C2orf78: variants seen among roughly 807,000 people sequenced by gnomAD.
The protein encoded by C2orf78 is uncharacterized protein C2orf78.
A neutral mutation model predicts 21.4 loss-of-function variants in C2orf78; 12 were observed. The observed-to-expected ratio is 0.56, with a 90% CI of 0.36 to 0.91. C2orf78 has a LOEUF of 0.91. Among genes scored for constraint, C2orf78 ranks in the 40% least tolerant of loss-of-function variants. The pLI is 0.01. For missense variants in C2orf78, 1,042 were observed against 1,092.4 expected (o/e 0.95, Z 0.65); for synonymous variants, 396 against 413.9 (o/e 0.96, Z 0.52).
intron 1 of C2orf78, among the ~76,000 whole-genome samples, chr2:73,786,132 C>G (rs779133178): frequency 1.3e-5 from 2 of 152,020 alleles, no homozygotes; most frequent in Non-Finnish European, 2.9e-5. Flanking sequence ...GTAATCACAG[C>G]ACTTTGCAAG....
chr2:73,809,877 A>C (rs1673040439), intron 1 of C2orf78, among the ~76,000 whole-genome samples: 1 of 152,230 alleles, frequency 6.6e-6, no homozygotes, highest in Admixed American at 6.5e-5. Context: ...ACTGGGTTAT[A>C]AGGAGGCAGG....
At chr2:73,809,624 A>G (rs908557549) in intron 1 of C2orf78, among the ~76,000 whole-genome samples, 37 of 152,056 alleles carry the variant, frequency 2.4e-4, no homozygotes, top group Non-Finnish European at 4.0e-4. Flanking sequence ...CATCTCTACA[A>G]AAACTTTTTA....
chr2:73,815,974 C>G (rs768178969), exon 3 of C2orf78: 4 of 1,613,890 alleles, frequency 2.5e-6, no homozygotes, highest in Middle Eastern at 1.6e-4. Flanking sequence ...TCCAAGAAAT[C>G]TGAAGAGAGT....
At chr2:73,814,350 T>C in intron 2 of C2orf78, 124 bp downstream of exon 2, 3 of 1,091,780 alleles carry the variant, frequency 2.7e-6, no homozygotes, top group Non-Finnish European at 3.9e-6. Flanking sequence ...ACCACTATTC[T>C]TTGGCAGTGC....
At position 73,814,239 on chromosome 2, in the gene C2orf78, A is replaced by T. The variant is rs1337789619; in HGVS notation, c.847+13A>T. 2 of 1,545,626 alleles carry T rather than the reference A, an allele frequency of 1.3e-6. No homozygotes were observed. Among genetic ancestry groups the T allele is most frequent in the Non-Finnish European group, 1.7e-6 (2 of 1,144,504 alleles). ...ACCAGTGTTCAAGGTGAGTACAAAC[A>T]TCAAGAAAGGAGAGGAATAATGTCA... On this transcript the variant is annotated intron_variant, in intron 2 of 2. Transcript: ENST00000409561.
At chr2:73,815,383 T>C (rs139822699) in exon 3 of C2orf78, 2 of 1,613,964 alleles carry the variant, frequency 1.2e-6, no homozygotes, top group Non-Finnish European at 1.7e-6. Flanking sequence ...GATCCTCCAC[T>C]ACTTCCTGTA....
intron 1 of C2orf78, among the ~76,000 whole-genome samples, chr2:73,809,795 T>G (rs1334829425): frequency 2.6e-5 from 4 of 151,968 alleles, no homozygotes; most frequent in Admixed American, 6.6e-5. Flanking sequence ...AAGAAACAAA[T>G]AAACAAACAA....
intron 1 of C2orf78, among the ~76,000 whole-genome samples, chr2:73,807,917 C>G (rs1672988322): frequency 1.3e-5 from 2 of 150,784 alleles, no homozygotes; most frequent in East Asian, 1.9e-4. Context: ...CTTTGCTGTT[C>G]AAGTTACAAA....
chr2:73,811,869 A>C (rs1673097030), intron 1 of C2orf78, among the ~76,000 whole-genome samples: 1 of 152,198 alleles, frequency 6.6e-6, no homozygotes. Flanking sequence ...CACTAGGATT[A>C]ATACCTGTCA....
chr2:73,813,717 A>G (rs1010339490), exon 2 of C2orf78: 10 of 1,614,076 alleles, frequency 6.2e-6, no homozygotes, highest in Non-Finnish European at 8.5e-6. Context: ...GTTACTGGCC[A>G]GAGCCATATC....
chr2:73,813,333 A>C, intron 1 of C2orf78, 144 bp from the exon 2 acceptor site: 1 of 817,922 alleles, frequency 1.2e-6, no homozygotes, highest in Non-Finnish European at 1.9e-6. Flanking sequence ...AGGCCATCAT[A>C]AACTGTTTGG....
chr2:73,815,410 A>G, exon 3 of C2orf78: 1 of 1,613,912 alleles, frequency 6.2e-7, no homozygotes, highest in Non-Finnish European at 8.5e-7. Flanking sequence ...CCCGATATTC[A>G]CCCGCTTCTG....
exon 3 of C2orf78, chr2:73,817,117 G>T: frequency 2.6e-6 from 3 of 1,145,366 alleles, no homozygotes; most frequent in East Asian, 3.0e-5. Context: ...TTGATTAATA[G>T]ATAAGTAATA....
intron 1 of C2orf78, among the ~76,000 whole-genome samples, chr2:73,807,638 T>C (rs1302605081): frequency 2.9e-5 from 2 of 70,082 alleles, no homozygotes; most frequent in African/African-American, 6.4e-5. Context: ...TTGCTTCTCA[T>C]GAGCAGAGTC....
At chr2:73,812,760 G>A (rs1355310360) in intron 1 of C2orf78, among the ~76,000 whole-genome samples, 1 of 152,128 alleles carries the variant, frequency 6.6e-6, no homozygotes, top group African/African-American at 2.4e-5. Flanking sequence ...TTTCTATCAG[G>A]TAGTTATTTT....
chr2:73,786,137 T>C (rs986775989), intron 1 of C2orf78, among the ~76,000 whole-genome samples: 1 of 151,988 alleles, frequency 6.6e-6, no homozygotes, highest in Non-Finnish European at 1.5e-5. Context: ...CACAGCACTT[T>C]GCAAGGCTGA....
chr2:73,813,823 T>A, exon 2 of C2orf78: 1 of 1,614,036 alleles, frequency 6.2e-7, no homozygotes, highest in African/African-American at 1.3e-5. Context: ...TCACTGTGAC[T>A]GTCATTGATC....
At chr2:73,814,974 C>G (rs1673162375) in intron 2 of C2orf78, 97 bp from the exon 3 acceptor site, 2 of 1,210,790 alleles carry the variant, frequency 1.7e-6, no homozygotes, top group South Asian at 3.0e-5. Context: ...AGTAGAAATG[C>G]CTTGCCCATG....
chr2:73,808,705 G>T (rs1573197202), intron 1 of C2orf78: 1 of 1,511,950 alleles, frequency 6.6e-7, no homozygotes, highest in East Asian at 2.5e-5. Context: ...ACTGCCACCT[G>T]GTAGAATCTT....
Sources: allele counts gnomAD v4.1 joint callset (sites outside exome capture counted in the v4.1 genomes callset), GRCh38; gene constraint gnomAD v4.1.1; transcripts MANE v1.5; gene names NCBI Gene and HGNC (gene_info 2026-07-23, HGNC 2026-07-21).